The following ELANE variants were observed in gnomAD, a reference collection of about 807,000 sequenced individuals.
ELANE encodes the protein neutrophil elastase.
Under a neutral mutation model 20.6 loss-of-function variants are expected in ELANE, and 12 were observed. The ratio of observed to expected loss-of-function variants is 0.58; its 90% CI spans 0.37 to 0.94. The LOEUF is 0.94. Among genes scored for constraint, ELANE ranks in the 40% least tolerant of loss-of-function variants. The pLI, the probability that ELANE is intolerant of heterozygous loss-of-function variation, is 0.01. For missense variants in ELANE, 388 were observed against 395.2 expected (o/e 0.98, Z 0.15); for synonymous variants, 203 against 177.4 (o/e 1.14, Z -1.15).
chr19:854,124 C>A (rs2035636842), intron 3 of ELANE, among the ~76,000 whole-genome samples: 2 of 152,236 alleles, frequency 1.3e-5, no homozygotes. Context: ...CACCTTTCCA[C>A]CCCTGTCCGC....
In ELANE at chr19:853,246, T is replaced by G; in HGVS notation, c.225-16T>G. ...CCCGGGGCCGCCCCTGAGCCCCGCC[T>G]CTCCCTCCCCGGCAGAAACGTCCGC... is the stretch of plus-strand genomic sequence containing the variant. On this transcript the variant is annotated splice_polypyrimidine_tract_variant and intron_variant, in intron 2 of 4. Transcript: ENST00000263621. 6.3e-7 allele frequency: 1 copy of G among 1,580,898 alleles called. No homozygotes were observed. The highest frequency in any genetic ancestry group is 1.1e-5 in the South Asian group (1 of 87,456).
Position 856,119 on chromosome 19 carries a change from C to T in ELANE, c.759C>T (p.Pro253=), listed in dbSNP as rs1456449572. The T allele has an allele frequency of 6.2e-7, 1 of 1,613,130 alleles. No individual in the cohort carries two copies. Among genetic ancestry groups the T allele is most frequent in the Non-Finnish European group, 8.5e-7 (1 of 1,180,036 alleles). Residue 253 remains proline (P), a synonymous_variant, in exon 5 of 5, where the codon CCC becomes CCT. Coordinates refer to ENST00000263621, the MANE Select transcript of ELANE (RefSeq NM_001972.4). ...DSIIQRSEDN[P]CPHPRDPDPA... is the part of the protein sequence containing the mutation. ...TCATCCAACGCTCCGAGGACAACCCCTGTCCCCACCCCCGGGACCCGGACC... is the reference window on the plus strand; with the variant it reads ...TCATCCAACGCTCCGAGGACAACCCTTGTCCCCACCCCCGGGACCCGGACC...
intron 3 of ELANE, among the ~76,000 whole-genome samples, chr19:854,839 A>G (rs1382225711): frequency 6.8e-6 from 1 of 147,224 alleles, no homozygotes; most frequent in Non-Finnish European, 1.5e-5. Context: ...AAATAATAAA[A>G]ATATATATAT....
chr19:853,286 C>T lies in ELANE; in HGVS notation c.249C>T (p.Val83=). ...ANVNVRAVRV[V]LGAHNLSRRE... ...GAAACGTCCGCGCGGTGCGGGTGGT[C>T]CTGGGAGCCCATAACCTCTCGCGGC... Residue 83 remains valine (V), a synonymous_variant, in exon 3 of 5, where the codon GTC becomes GTT. Transcript: ENST00000263621. 1 of 1,608,276 alleles carries T rather than the reference C, an allele frequency of 6.2e-7. No homozygotes were observed. Among genetic ancestry groups the T allele is most frequent in the Non-Finnish European group, 8.5e-7 (1 of 1,177,822 alleles).
rs762222988 is a variant in ELANE, at chr19:856,088, A to C, written c.728A>C (p.Asp243Ala). Residue 243 changes from aspartate to alanine, a missense_variant, in exon 5 of 5, where the codon GAC becomes GCC. Asp to Ala is a moderately radical substitution (Grantham distance 126). Around this residue, in one of 3 missense-constraint regions of ELANE, gnomAD observed 321 missense variants for 309.8 expected, o/e 1.04. Transcript: ENST00000263621. ...APVAQFVNWI[D>A]SIIQRSEDNP... ...GTGGCACAGTTTGTAAACTGGATCGACTCTATCATCCAACGCTCCGAGGAC... is the reference window on the plus strand; with the variant it reads ...GTGGCACAGTTTGTAAACTGGATCGCCTCTATCATCCAACGCTCCGAGGAC... 4.3e-6 allele frequency: 7 copies of C among 1,612,838 alleles called. No homozygotes were observed. Among genetic ancestry groups the C allele is most frequent in the Non-Finnish European group, 5.9e-6 (7 of 1,179,948 alleles).
In ELANE at chr19:855,860, G is replaced by T; in HGVS notation, c.597+66G>T. ...AGCCCGGACTGCAGCAACAGGCACC[G>T]TGGCTAGACCCTAGGAGGGACTTCC... On this transcript the variant is annotated intron_variant, in intron 4 of 4. Transcript: ENST00000263621. The surrounding 1 kb of genome is among the most constrained non-coding windows in gnomAD (Gnocchi z 6.2). The T allele has an allele frequency of 6.2e-7, 1 of 1,604,240 alleles. No individual in the cohort carries two copies.
chr19:855,819 C>T lies in ELANE; in HGVS notation c.597+25C>T, dbSNP rs1263494582. On this transcript the variant is annotated intron_variant, in intron 4 of 4. Coordinates refer to ENST00000263621, the MANE Select transcript of ELANE (RefSeq NM_001972.4). This position sits in a 1 kb window ranked among gnomAD's most constrained non-coding sequence, Gnocchi z 6.2. ...CGTACGTGCCCTGGGTGTCCCTCTG[C>T]TCCCCACCCGCTCCCAGCCCGGACT... The T allele has an allele frequency of 2.5e-6, 4 of 1,607,136 alleles. No individual in the cohort carries two copies. The highest frequency in any genetic ancestry group is 1.7e-5 in the Admixed American group (1 of 59,978).
rs142441575 is a variant in ELANE, at chr19:855,628, G to A, written c.431G>A (p.Arg144His). The A allele has an allele frequency of 4.1e-5, 66 of 1,604,506 alleles. No individual in the cohort carries two copies. In the African/African-American group the frequency reaches 6.4e-4, roughly 16 times the overall value. Residue 144 changes from arginine to histidine, a missense_variant, in exon 4 of 5, where the codon CGC (arginine) becomes CAC (histidine). Around this residue, in one of 3 missense-constraint regions of ELANE, gnomAD observed 321 missense variants for 309.8 expected, o/e 1.04. Transcript: ENST00000263621. This position sits in a 1 kb window ranked among gnomAD's most constrained non-coding sequence, Gnocchi z 6.2. ...GCCCAGCTGCCGGCTCAGGGACGCC[G>A]CCTGGGCAACGGGGTGCAGTGCCTG... ...QVAQLPAQGRRLGNGVQCLAM... is the reference protein window; with the variant it reads ...QVAQLPAQGRHLGNGVQCLAM...
Position 853,419 on chromosome 19 carries a change from G to A in ELANE, c.366+16G>A, listed in dbSNP as rs1361554213. On this transcript the variant is annotated intron_variant, in intron 3 of 4. Coordinates refer to ENST00000263621, the MANE Select transcript of ELANE (RefSeq NM_001972.4). Reference sequence around the variant, plus strand: ...GATTCTCCAGGTGCCGCCGGGCGGGGCGGGGGGCGCAGGGGCGGAGGCCAG... The same window carrying A: ...GATTCTCCAGGTGCCGCCGGGCGGGACGGGGGGCGCAGGGGCGGAGGCCAG... The A allele has an allele frequency of 1.3e-6, 2 of 1,587,844 alleles. No individual in the cohort carries two copies. The highest frequency in any genetic ancestry group is 1.7e-6 in the Non-Finnish European group (2 of 1,168,032).
chr19:853,240 C>T (rs754964823), intron 2 of ELANE, 22 bp from the exon 3 acceptor site: 63 of 1,574,736 alleles, frequency 4.0e-5, no homozygotes, highest in Non-Finnish European at 5.3e-5. Context: ...GCCCCTGAGC[C>T]CCGCCTCTCC....
In ELANE at chr19:855,854, G is replaced by C; in HGVS notation, c.597+60G>C. 5.6e-6 allele frequency: 9 copies of C among 1,604,774 alleles called. No homozygotes were observed. The highest frequency in any genetic ancestry group is 7.6e-6 in the Non-Finnish European group (9 of 1,178,174). ...GCTCCCAGCCCGGACTGCAGCAACAGGCACCGTGGCTAGACCCTAGGAGGG... is the reference window on the plus strand; with the variant it reads ...GCTCCCAGCCCGGACTGCAGCAACACGCACCGTGGCTAGACCCTAGGAGGG... On this transcript the variant is annotated intron_variant, in intron 4 of 4. Coordinates refer to ENST00000263621, the MANE Select transcript of ELANE (RefSeq NM_001972.4). The surrounding 1 kb of genome is among the most constrained non-coding windows in gnomAD (Gnocchi z 6.2).
chr19:853,365 G>T lies in ELANE; in HGVS notation c.328G>T (p.Asp110Tyr). 6.2e-7 allele frequency: 1 copy of T among 1,611,416 alleles called. No individual in the cohort carries two copies. Among genetic ancestry groups the T allele is most frequent in the Non-Finnish European group, 8.5e-7 (1 of 1,179,146 alleles). Residue 110 changes from aspartate (D) to tyrosine (Y), a missense_variant, in exon 3 of 5, where the codon GAC becomes TAC. By Grantham distance (160) the Asp-to-Tyr change is radical. Coordinates refer to ENST00000263621, the MANE Select transcript of ELANE (RefSeq NM_001972.4). ...AVQRIFENGY[D>Y]PVNLLNDIVI... ...GCAGCGCATCTTCGAAAACGGCTACGACCCCGTAAACTTGCTCAACGACAT... is the reference window on the plus strand; with the variant it reads ...GCAGCGCATCTTCGAAAACGGCTACTACCCCGTAAACTTGCTCAACGACAT...
At position 855,966 on chromosome 19, in the gene ELANE, C is replaced by A. The variant is rs17216649; in HGVS notation, c.606C>A (p.Ser202=). 0.16 allele frequency: 256,800 copies of A among 1,613,084 alleles called. 23,913 individuals are homozygous for A. Among genetic ancestry groups the A allele is most frequent in the Non-Finnish European group, 0.19 (218,585 of 1,179,956 alleles). ...CTTGTCTGCCTCCACAGGGGGACTCCGGCAGCCCCTTGGTCTGCAACGGGC... is the reference window on the plus strand; with the variant it reads ...CTTGTCTGCCTCCACAGGGGGACTCAGGCAGCCCCTTGGTCTGCAACGGGC... ...GRQAGVCFGD[S]GSPLVCNGLI... The change falls in exon 5 of 5, where the codon TCC becomes TCA. Residue 202 remains serine, a synonymous_variant. Transcript: ENST00000263621. This position sits in a 1 kb window ranked among gnomAD's most constrained non-coding sequence, Gnocchi z 6.2.
chr19:852,515 C>CA lies in ELANE; in HGVS notation c.67+122dup, dbSNP rs1339121883. ...CTCACAGGGGAGGTGCCAGCTGGGA[C>CA]AAGGAGACCAGAAGAGACTGAGGTT... On this transcript the variant is annotated intron_variant, in intron 1 of 4. Transcript: ENST00000263621. 1.3e-4 allele frequency: 165 copies of CA among 1,296,736 alleles called. No homozygotes were observed. In the Admixed American group the frequency reaches 1.4e-3, roughly 11 times the overall value. 80.3% of individuals were successfully genotyped at this position (1,296,736 alleles called of 1,614,324 possible). A position where few individuals can be genotyped will look rare whatever the true frequency, so the allele number is the denominator to read the frequency against.
intron 2 of ELANE, 50 bp from the exon 3 acceptor site, chr19:853,212 G>T: frequency 6.5e-7 from 1 of 1,544,546 alleles, no homozygotes; most frequent in Non-Finnish European, 8.7e-7. Flanking sequence ...GCGCGGCTGA[G>T]CCCCGACCCC....
rs1024843513 is a variant in ELANE at position 852,751 on chromosome 19, G to C, written c.68-125G>C. On this transcript the variant is annotated intron_variant, in intron 1 of 4. Transcript: ENST00000263621. ...GCCCCGATCCCGTGGGTTCCCGGTG[G>C]GGGATCCCGTGGGTTCCCGGTGGGG... 6.8e-6 allele frequency: 9 copies of C among 1,320,686 alleles called. No homozygotes were observed. In the African/African-American group the frequency reaches 1.6e-4, roughly 23 times the overall value. 81.8% of individuals were successfully genotyped at this position (1,320,686 alleles called of 1,614,324 possible).
intron 1 of ELANE, among the ~76,000 whole-genome samples, chr19:852,603 G>C (rs933321473): frequency 2.9e-5 from 4 of 139,388 alleles, no homozygotes; most frequent in Admixed American, 7.0e-5. Context: ...GAGGGGGGGG[G>C]GGTCGCAGGT....
intron 1 of ELANE, 107 bp from the exon 2 acceptor site, chr19:852,769 C>T (rs186129274): frequency 2.4e-5 from 34 of 1,408,174 alleles, no homozygotes; most frequent in Admixed American, 2.2e-4. Flanking sequence ...CGTGGGTTCC[C>T]GGTGGGGGAT....
Position 852,873 on chromosome 19 carries a change from C to T in ELANE, c.68-3C>T. ...TCAGCACCCGCACCCGGTGTGTCCC[C>T]AGGCACCGCGCTGGCCTCGGAGATT... On this transcript the variant is annotated splice_polypyrimidine_tract_variant and splice_region_variant and intron_variant, in intron 1 of 4. Transcript: ENST00000263621. 6.3e-7 allele frequency: 1 copy of T among 1,594,846 alleles called. No individual in the cohort carries two copies.
Sources: allele counts gnomAD v4.1 joint callset (sites outside exome capture counted in the v4.1 genomes callset), GRCh38; gene constraint gnomAD v4.1.1; regional missense constraint gnomAD v4.1.1; non-coding constraint Gnocchi (gnomAD v3.1); transcripts MANE v1.5; gene names NCBI Gene and HGNC (gene_info 2026-07-23, HGNC 2026-07-21).